The following EYS variants were observed in gnomAD, a reference collection of about 807,000 sequenced individuals.
EYS encodes EGF-like photoreceptor maintenance factor.
A neutral mutation model predicts 282.1 loss-of-function variants in EYS; 250 were observed. That is an observed-to-expected ratio of 0.89 (90% CI 0.80 to 0.98). The LOEUF (loss-of-function observed/expected upper bound fraction) is 0.98, where lower values mean the gene tolerates loss of function less well. Among genes scored for constraint, EYS ranks in the 50% least tolerant of loss-of-function variants. The pLI is 0.00. For missense variants in EYS, 4,016 were observed against 3,709.0 expected, an observed-to-expected ratio of 1.08 and a Z score of -2.15; for synonymous variants, 1,355 against 1,282.9, an observed-to-expected ratio of 1.06 and a Z score of -1.20.
intron 12 of EYS, among the ~76,000 whole-genome samples, chr6:65,178,572 T>C (rs985743212): frequency 2.6e-5 from 4 of 151,838 alleles, no homozygotes; most frequent in Non-Finnish European, 4.4e-5. Flanking sequence ...AAGTCCTGAG[T>C]GACCTACAAA....
chr6:64,330,382 C>A (rs746986840), intron 29 of EYS, among the ~76,000 whole-genome samples: 2 of 152,038 alleles, frequency 1.3e-5, no homozygotes. Flanking sequence ...ATTACACACT[C>A]GGCAAAACCA....
chr6:65,291,622 A>G (rs1447589843), intron 12 of EYS, among the ~76,000 whole-genome samples: 1 of 151,582 alleles, frequency 6.6e-6, no homozygotes, highest in African/African-American at 2.4e-5. Context: ...ATGAATGGGT[A>G]GGAAGTTGAC....
chr6:64,935,300 A>T (rs966893727), intron 15 of EYS, among the ~76,000 whole-genome samples: 2 of 151,792 alleles, frequency 1.3e-5, no homozygotes, highest in African/African-American at 4.8e-5. Flanking sequence ...CTACCTTATC[A>T]GTAATTACAG....
At chr6:65,467,644 C>G (rs1765054016) in intron 5 of EYS, among the ~76,000 whole-genome samples, 1 of 151,966 alleles carries the variant, frequency 6.6e-6, no homozygotes, top group Non-Finnish European at 1.5e-5. Flanking sequence ...TAACAGTATA[C>G]TGTCTGTTCT....
chr6:64,579,178 G>T (rs1388093310), intron 26 of EYS, among the ~76,000 whole-genome samples: 4 of 152,040 alleles, frequency 2.6e-5, no homozygotes, highest in African/African-American at 9.7e-5. Context: ...AATCAATTCT[G>T]CCCTGGCCTT....
intron 15 of EYS, among the ~76,000 whole-genome samples, chr6:64,922,779 A>T (rs757864747): frequency 2.6e-5 from 4 of 152,042 alleles, no homozygotes; most frequent in Non-Finnish European, 5.9e-5. Flanking sequence ...TTAGCTATGG[A>T]TATCCCAGTA....
chr6:64,088,310 G>T (rs962668361), intron 31 of EYS, among the ~76,000 whole-genome samples: 6 of 151,888 alleles, frequency 4.0e-5, no homozygotes, highest in Non-Finnish European at 8.8e-5. Flanking sequence ...TACGAAACAT[G>T]TATTAAACAT....
At chr6:64,185,701 G>A (rs760178249) in intron 31 of EYS, among the ~76,000 whole-genome samples, 1 of 152,012 alleles carries the variant, frequency 6.6e-6, no homozygotes, top group Non-Finnish European at 1.5e-5. Flanking sequence ...TTCCTTTTCC[G>A]TGGAAAAAAA....
chr6:64,559,270 C>CGTGTGT (rs1491557426), intron 26 of EYS, among the ~76,000 whole-genome samples: 8 of 81,932 alleles, frequency 9.8e-5, no homozygotes, highest in Non-Finnish European at 1.6e-4. Context: ...TGTGTGTGTG[C>CGTGTGT]ATGTGTGTGT....
chr6:65,519,701 TATATA>T (rs1767279405), intron 2 of EYS, among the ~76,000 whole-genome samples: 1 of 47,638 alleles, frequency 2.1e-5, no homozygotes, highest in African/African-American at 1.2e-4. Flanking sequence ...TATATATATA[TATATA>T]TATTTTTTTT....
chr6:65,031,309 T>C (rs558687585), intron 13 of EYS, among the ~76,000 whole-genome samples: 1 of 151,882 alleles, frequency 6.6e-6, no homozygotes, highest in African/African-American at 2.4e-5. Context: ...ACTTAAAGTA[T>C]TAGAGAGGTC....
chr6:65,077,771 C>A (rs1774100715), intron 12 of EYS, among the ~76,000 whole-genome samples: 1 of 151,954 alleles, frequency 6.6e-6, no homozygotes, highest in African/African-American at 2.4e-5. Flanking sequence ...CAATTAATTT[C>A]ATTTATTTGA....
At chr6:65,399,232 ATTTG>A (rs1389904327) in intron 7 of EYS, among the ~76,000 whole-genome samples, 3 of 151,944 alleles carry the variant, frequency 2.0e-5, no homozygotes, top group East Asian at 1.9e-4. Flanking sequence ...TTTCTTTTTA[ATTTG>A]TTTGGCCTTT....
intron 13 of EYS, among the ~76,000 whole-genome samples, chr6:65,008,264 C>T (rs936446205): frequency 3.3e-5 from 5 of 152,136 alleles, no homozygotes; most frequent in African/African-American, 9.7e-5. Flanking sequence ...AGGAAGCATA[C>T]CTCTCTCACC....
intron 22 of EYS, among the ~76,000 whole-genome samples, chr6:64,803,370 GGT>G (rs887035640): frequency 1.3e-4 from 20 of 151,346 alleles, no homozygotes; most frequent in African/African-American, 3.4e-4. Context: ...GGGGACTGAA[GGT>G]GTGTGTGTGG....
intron 22 of EYS, among the ~76,000 whole-genome samples, chr6:64,718,764 C>T (rs12661626): frequency 4.6e-5 from 7 of 152,178 alleles, no homozygotes; most frequent in Non-Finnish European, 1.0e-4. Flanking sequence ...AATTAAAATA[C>T]GTGTGGCGCA....
chr6:65,424,178 T>A (rs1767577935), intron 5 of EYS, among the ~76,000 whole-genome samples: 1 of 152,022 alleles, frequency 6.6e-6, no homozygotes, highest in African/African-American at 2.4e-5. Flanking sequence ...TCTTTCTTGG[T>A]AGGGTGCACT....
chr6:64,037,497 A>G (rs556601999), intron 33 of EYS, among the ~76,000 whole-genome samples: 1 of 152,362 alleles, frequency 6.6e-6, no homozygotes, highest in African/African-American at 2.4e-5. Flanking sequence ...AACAAAATAG[A>G]TTGCTATAGT....
chr6:65,684,225 G>A (rs1021121679), intron 1 of EYS, among the ~76,000 whole-genome samples: 1 of 152,054 alleles, frequency 6.6e-6, no homozygotes, highest in Non-Finnish European at 1.5e-5. Context: ...CTATGTTACA[G>A]AAGGGTGCGA....
Sources: gnomAD v4.1 joint callset for allele counts (sites outside exome capture counted in the v4.1 genomes callset) on GRCh38, gnomAD v4.1.1 for gene constraint, MANE v1.5 for transcripts, NCBI Gene and HGNC (gene_info 2026-07-23, HGNC 2026-07-21) for gene names.